N4BP1: variants seen among roughly 807,000 people sequenced by gnomAD.
N4BP1 encodes NEDD4 binding protein 1, also known as NEDD4-binding protein 1.
In N4BP1, 21 loss-of-function variants were observed where a neutral mutation model predicts 70.9. The observed-to-expected ratio is 0.30, with a 90% CI of 0.21 to 0.43. The LOEUF (loss-of-function observed/expected upper bound fraction) is 0.43, where lower values mean the gene tolerates loss of function less well. N4BP1 is among the 20% of genes least tolerant of loss of function. N4BP1 has a pLI of 1.00. For synonymous variants in N4BP1, 387 were observed against 394.6 expected, an observed-to-expected ratio of 0.98 and a Z score of 0.23; for missense variants, 936 against 1,069.4, an observed-to-expected ratio of 0.88 and a Z score of 1.74.
At position 48,553,651 on chromosome 16, in the gene N4BP1, G is replaced by C. The variant is rs770627131; in HGVS notation, c.1908C>G (p.Phe636Leu). Residue 636 changes from phenylalanine to leucine, a missense_variant, in exon 3 of 7, where the codon TTC becomes TTG. Physicochemically the swap from Phe to Leu is conservative, Grantham distance 22. Transcript: ENST00000262384. ...CAATTGCAATTCCACGACAAGAAAA[G>C]AACTTTTTCAGACCATGGCTAGAAA... Reference protein sequence around the residue: ...NVAITHGLKKFFSCRGIAIAV... With the variant: ...NVAITHGLKKLFSCRGIAIAV... The C allele has an allele frequency of 2.5e-6, 4 of 1,588,782 alleles. No individual in the cohort carries two copies. Among genetic ancestry groups the C allele is most frequent in the Non-Finnish European group, 3.4e-6 (4 of 1,168,886 alleles).
chr16:48,583,310 C>T (rs1964199893), intron 1 of N4BP1, among the ~76,000 whole-genome samples: 1 of 152,032 alleles, frequency 6.6e-6, no homozygotes, highest in Admixed American at 6.6e-5. Flanking sequence ...ATAAGCCAGG[C>T]ATGGAAAGAC....
intron 1 of N4BP1, among the ~76,000 whole-genome samples, chr16:48,577,258 C>A (rs1001451729): frequency 3.3e-5 from 5 of 152,072 alleles, no homozygotes; most frequent in African/African-American, 9.7e-5. Context: ...ATGACAAGTT[C>A]TTTCCTCTCC....
At position 48,562,235 on chromosome 16, in the gene N4BP1, T is replaced by C. The variant is rs1242174563; in HGVS notation, c.408A>G (p.Gln136=). ...AVVMARSHIQ[Q]FVKLFENKEN... ...CTTTATTTTCAAAGAGCTTTACAAATTGTTGAATGTGACTCCTAGCCATGA... is the reference window on the plus strand; with the variant it reads ...CTTTATTTTCAAAGAGCTTTACAAACTGTTGAATGTGACTCCTAGCCATGA... Residue 136 remains glutamine, a synonymous_variant, in exon 2 of 7, where the codon CAA becomes CAG. Coordinates refer to ENST00000262384, the MANE Select transcript of N4BP1 (RefSeq NM_153029.4). The C allele has an allele frequency of 6.2e-7, 1 of 1,613,904 alleles. No individual in the cohort carries two copies. The highest frequency in any genetic ancestry group is 1.7e-5 in the Admixed American group (1 of 60,008).
intron 1 of N4BP1, chr16:48,578,030 A>T (rs1332913706): frequency 6.4e-6 from 1 of 155,666 alleles, no homozygotes; most frequent in East Asian, 1.9e-4. Context: ...AATGCCTTGA[A>T]CCTGATGTGC....
chr16:48,573,859 A>G (rs1964056625), intron 1 of N4BP1, among the ~76,000 whole-genome samples: 1 of 152,198 alleles, frequency 6.6e-6, no homozygotes. Context: ...TGTCATTAAG[A>G]AATTCATAAG....
chr16:48,561,467 T>C lies in N4BP1; in HGVS notation c.1176A>G (p.Gln392=). 1.2e-6 allele frequency: 2 copies of C among 1,611,756 alleles called. No individual in the cohort carries two copies. Among genetic ancestry groups the C allele is most frequent in the Non-Finnish European group, 1.7e-6 (2 of 1,179,366 alleles). The change falls in exon 2 of 7, where the codon CAA becomes CAG. Residue 392 remains glutamine, a synonymous_variant. Coordinates refer to ENST00000262384, the MANE Select transcript of N4BP1 (RefSeq NM_153029.4). ...EEIEKENKRF[Q]EDREFSAGTV... ...TACCAGCTGAAAATTCTCTGTCTTC[T>C]TGGAATCTTTTATTTTCTTTTTCAA...
At chr16:48,569,467 A>T (rs1172834510) in intron 1 of N4BP1, among the ~76,000 whole-genome samples, 2 of 152,136 alleles carry the variant, frequency 1.3e-5, no homozygotes, top group African/African-American at 4.8e-5. Context: ...ATCATAGCTC[A>T]CTGCAGCCTC....
chr16:48,594,730 T>C (rs906593288), intron 1 of N4BP1, among the ~76,000 whole-genome samples: 3 of 152,236 alleles, frequency 2.0e-5, no homozygotes, highest in Non-Finnish European at 2.9e-5. Flanking sequence ...GTTACATTCA[T>C]ATAAATAGGT....
chr16:48,543,163 G>A lies in N4BP1; in HGVS notation c.2432C>T (p.Pro811Leu). 6.2e-6 allele frequency: 10 copies of A among 1,601,052 alleles called. No individual in the cohort carries two copies. The highest frequency in any genetic ancestry group is 8.5e-6 in the Non-Finnish European group (10 of 1,170,630). ...GTQAASTSHQPPTRIQGAPSS... is the reference protein window; with the variant it reads ...GTQAASTSHQLPTRIQGAPSS... ...AGGGGCTCCCTGAATCCGGGTCGGA[G>A]GCTGGTGGCTGGTGCTGGCTGCCTG... Residue 811 changes from proline (P) to leucine (L), a missense_variant, in exon 7 of 7, where the codon CCT becomes CTT. Physicochemically the swap from Pro to Leu is moderately conservative, Grantham distance 98. Transcript: ENST00000262384.
intron 1 of N4BP1, among the ~76,000 whole-genome samples, chr16:48,569,638 C>T (rs1233376936): frequency 1.3e-5 from 2 of 152,194 alleles, no homozygotes; most frequent in African/African-American, 2.4e-5. Context: ...TCAAGCAATC[C>T]ACCTGCCTTG....
chr16:48,601,165 G>C (rs1846573797), intron 1 of N4BP1, among the ~76,000 whole-genome samples: 1 of 152,176 alleles, frequency 6.6e-6, no homozygotes. Flanking sequence ...TAATTATGCT[G>C]GACTGTTTTG....
intron 1 of N4BP1, among the ~76,000 whole-genome samples, chr16:48,566,392 G>T (rs967825938): frequency 1.3e-5 from 2 of 152,038 alleles, no homozygotes; most frequent in Non-Finnish European, 2.9e-5. Flanking sequence ...TTCCCTTTCA[G>T]CACCGCTTTA....
chr16:48,605,333 A>G (rs1423655785), intron 1 of N4BP1, among the ~76,000 whole-genome samples: 1 of 152,158 alleles, frequency 6.6e-6, no homozygotes, highest in East Asian at 1.9e-4. Flanking sequence ...CGCCCGGCCT[A>G]AAAGAAGAAT....
chr16:48,578,666 C>T (rs777109356), intron 1 of N4BP1, among the ~76,000 whole-genome samples: 59 of 152,208 alleles, frequency 3.9e-4, no homozygotes, highest in Non-Finnish European at 6.5e-4. Context: ...CACTTCCTTG[C>T]TCAAAAACTT....
intron 1 of N4BP1, among the ~76,000 whole-genome samples, chr16:48,581,662 C>T (rs562156192): frequency 6.6e-6 from 1 of 152,102 alleles, no homozygotes; most frequent in Non-Finnish European, 1.5e-5. Flanking sequence ...AACGAAAACA[C>T]TGACAAAAGA....
chr16:48,549,910 A>G (rs910946019), intron 4 of N4BP1, among the ~76,000 whole-genome samples: 7 of 152,222 alleles, frequency 4.6e-5, no homozygotes, highest in Non-Finnish European at 1.0e-4. Context: ...TGTTAGTGCT[A>G]TAAGCCAGAT....
At position 48,543,003 on chromosome 16, in the gene N4BP1, G is replaced by A; in HGVS notation, c.2592C>T (p.Ile864=). The change falls in exon 7 of 7, where the codon ATC becomes ATT. Residue 864 remains isoleucine, a synonymous_variant. Transcript: ENST00000262384. ...TNELREALLK[I]FPDSEQRLKI... ...TCAGTCTTTGCTCTGAGTCAGGGAA[G>A]ATCTTCAGAAGGGCTTCCCTCAGCT... 1 of 1,614,070 alleles carries A rather than the reference G, an allele frequency of 6.2e-7. No homozygotes were observed.
At chr16:48,591,886 G>GTTT (rs1555499240) in intron 1 of N4BP1, among the ~76,000 whole-genome samples, 43 of 112,052 alleles carry the variant, frequency 3.8e-4, no homozygotes, top group African/African-American at 5.5e-4. Flanking sequence ...GTTACCTGAC[G>GTTT]TTTTTTTTTT....
At chr16:48,590,194 C>G (rs956189016) in intron 1 of N4BP1, among the ~76,000 whole-genome samples, 19 of 152,138 alleles carry the variant, frequency 1.2e-4, no homozygotes, top group Admixed American at 1.2e-3. Context: ...TCTGGCTCAA[C>G]CAATTCTGCC....
Sources: gnomAD v4.1 joint callset for allele counts (sites outside exome capture counted in the v4.1 genomes callset) on GRCh38, gnomAD v4.1.1 for gene constraint, MANE v1.5 for transcripts, NCBI Gene and HGNC (gene_info 2026-07-23, HGNC 2026-07-21) for gene names.